Variants in NT5C1A observed in about 807,000 individuals in gnomAD.
NT5C1A encodes cytosolic 5'-nucleotidase 1A.
In NT5C1A, 18 loss-of-function variants were observed where a neutral mutation model predicts 31.0. The observed-to-expected ratio is 0.58, with a 90% confidence interval of 0.40 to 0.86. The LOEUF (loss-of-function observed/expected upper bound fraction) is 0.86. NT5C1A is among the 40% of genes least tolerant of loss of function. NT5C1A has a pLI of 0.00. For synonymous variants in NT5C1A, 185 were observed against 203.6 expected, an observed-to-expected ratio of 0.91 and a Z score of 0.78; for missense variants, 470 against 505.4, an observed-to-expected ratio of 0.93 and a Z score of 0.67.
Position 39,659,314 on chromosome 1 carries a change from T to G in NT5C1A, c.914A>C (p.Glu305Ala). The G allele has an allele frequency of 6.2e-7, 1 of 1,614,028 alleles. No homozygotes were observed. The highest frequency in any genetic ancestry group is 8.5e-7 in the Non-Finnish European group (1 of 1,180,024). Residue 305 changes from glutamate (E) to alanine (A), a missense_variant, in exon 6 of 6, where the codon GAA (glutamate) becomes GCA (alanine). Coordinates refer to ENST00000235628, the MANE Select transcript of NT5C1A (RefSeq NM_032526.3). Reference sequence around the variant, plus strand: ...GGGCGCTCCAGCAAGGAACAAGGCTTCATCTGTCTCCAGGCCCCAGCTGCG... The same window carrying G: ...GGGCGCTCCAGCAAGGAACAAGGCTGCATCTGTCTCCAGGCCCCAGCTGCG... ...TLRSWGLETD[E>A]ALFLAGAPKG...
rs183241981 is a variant in NT5C1A, at chr1:39,670,010, A to G, written c.135+1894T>C. ...TGAATTCAAATAAACTTTGAATTCA[A>G]TATGTAAGCCAGATATTACCATATA... On this transcript the variant is annotated intron_variant, in intron 1 of 5. Coordinates refer to ENST00000235628, the MANE Select transcript of NT5C1A (RefSeq NM_032526.3). Among the ~76,000 whole-genome samples, 668 of 152,354 alleles carry G rather than the reference A, an allele frequency of 4.4e-3. 9 individuals are homozygous for G. Among genetic ancestry groups the G allele is most frequent in the Non-Finnish European group, 3.6e-3 (242 of 68,038 alleles).
At chr1:39,666,374 C>A (rs1313305495) in intron 1 of NT5C1A, 138 bp from the exon 2 acceptor site, 2 of 783,546 alleles carry the variant, frequency 2.6e-6, no homozygotes, top group Admixed American at 2.7e-5. Flanking sequence ...CAGCCTTGAG[C>A]AGATGTGGAC....
chr1:39,659,360 C>G lies in NT5C1A; in HGVS notation c.868G>C (p.Ala290Pro). The change falls in exon 6 of 6, where the codon GCC becomes CCC. Residue 290 changes from alanine (A) to proline (P), a missense_variant. Physicochemically the swap from Ala to Pro is conservative, Grantham distance 27 (BLOSUM62 -1). Transcript: ENST00000235628. ...CTGCGCAGGGTCTTGAGAGCCCGGG[C>G]CCCGGAACTGGCTGCACTGCGTGCT... ...VTARSAASSG[A>P]RALKTLRSWG... 1 of 1,613,886 alleles carries G rather than the reference C, an allele frequency of 6.2e-7. No individual in the cohort carries two copies. Among genetic ancestry groups the G allele is most frequent in the Non-Finnish European group, 8.5e-7 (1 of 1,180,028 alleles).
chr1:39,667,196 C>CTTT (rs5773668), intron 1 of NT5C1A, among the ~76,000 whole-genome samples: 2 of 105,126 alleles, frequency 1.9e-5, no homozygotes, highest in African/African-American at 7.6e-5. Flanking sequence ...CTTTCCCCCT[C>CTTT]TTTTTTTTTT....
rs751884829 is a variant in NT5C1A, at chr1:39,663,347, G to T, written c.521C>A (p.Ala174Asp). The stretch of plus-strand genomic sequence containing the variant: ...GGCTTCTCGCACTTTTTCCGCATCG[G>T]CTGACAAGTAGAGGTTGGTGTGATA... The part of the protein sequence containing the change: ...KAYHTNLYLS[A>D]DAEKVREAID... The change falls in exon 4 of 6, where the codon GCC becomes GAC. Residue 174 changes from alanine to aspartate, a missense_variant. Physicochemically the swap from Ala to Asp is moderately radical, Grantham distance 126 (BLOSUM62 -2). Transcript: ENST00000235628. 1.9e-6 allele frequency: 3 copies of T among 1,614,128 alleles called. No homozygotes were observed. The South Asian group carries it at 3.3e-5, about 18-fold the overall frequency.
At chr1:39,661,336 T>C in intron 4 of NT5C1A, 73 bp from the exon 5 acceptor site, 2 of 743,646 alleles carry the variant, frequency 2.7e-6, no homozygotes, top group Admixed American at 4.3e-5. Flanking sequence ...TCTTAGGCTA[T>C]CCTTGCCCCA....
chr1:39,656,444 G>T lies in NT5C1A; in HGVS notation c.*2677C>A, dbSNP rs1345196264. Among the ~76,000 whole-genome samples, 1 of 152,154 alleles carries T rather than the reference G, an allele frequency of 6.6e-6. No homozygotes were observed. The highest frequency in any genetic ancestry group is 6.5e-5 in the Admixed American group (1 of 15,280). ...TTTTCCAGGCCTGAGATGCTCATTT[G>T]TGATTTCAATAATAGAATTTAGACT... On this transcript the variant is annotated 3_prime_UTR_variant, in exon 6 of 6. Coordinates refer to ENST00000235628, the MANE Select transcript of NT5C1A (RefSeq NM_032526.3).
In NT5C1A at chr1:39,661,219, C is replaced by A; in HGVS notation, c.601G>T (p.Val201Leu). 6.3e-7 allele frequency: 1 copy of A among 1,594,240 alleles called. No individual in the cohort carries two copies. The highest frequency in any genetic ancestry group is 1.3e-5 in the African/African-American group (1 of 74,770). ...TIFSPSRDVV[V>L]SQSQLRVAFD... is the part of the protein sequence containing the mutation. ...GCCACGCGCAGCTGACTCTGGGACA[C>A]AACCACATCCCTGCTGGGGCTGAAG... Residue 201 changes from valine to leucine, a missense_variant, in exon 5 of 6, where the codon GTG becomes TTG. Transcript: ENST00000235628.
At chr1:39,670,182 C>T (rs1290174121) in intron 1 of NT5C1A, among the ~76,000 whole-genome samples, 2 of 152,232 alleles carry the variant, frequency 1.3e-5, no homozygotes, top group African/African-American at 4.8e-5. Flanking sequence ...AAATTTGAAA[C>T]TAGCGGCTAG....
At position 39,654,875 on chromosome 1, in the gene NT5C1A, A is replaced by C. The variant is rs536162832; in HGVS notation, c.*4246T>G. Among the ~76,000 whole-genome samples, 48 of 152,348 alleles carry C rather than the reference A, an allele frequency of 3.2e-4. No individual in the cohort carries two copies. The highest frequency in any genetic ancestry group is 1.3e-3 in the East Asian group (7 of 5,188). On this transcript the variant is annotated 3_prime_UTR_variant, in exon 6 of 6. Coordinates refer to ENST00000235628, the MANE Select transcript of NT5C1A (RefSeq NM_032526.3). ...TGCAACAATTCAACTCTGCTGTTGC[A>C]GTGTGAAATCAGCCATAAACATATG...
chr1:39,664,518 C>CCTCTCCTCTCCTCCTCTCCTCT (rs1288845231), intron 3 of NT5C1A, among the ~76,000 whole-genome samples: 1 of 96,044 alleles, frequency 1.0e-5, no homozygotes, highest in Non-Finnish European at 2.0e-5. Context: ...CCTCTCCTTT[C>CCTCTCCTCTCCTCCTCTCCTCT]CATCTCACTC....
In NT5C1A at chr1:39,652,030, CAAAAAAAAAAAAAAAAAAAAAAAA is replaced by C. The variant is rs61024293; in HGVS notation, c.*7067_*7090del. On this transcript the variant is annotated 3_prime_UTR_variant, in exon 6 of 6. Coordinates refer to ENST00000235628, the MANE Select transcript of NT5C1A (RefSeq NM_032526.3). Reference sequence around the variant, plus strand: ...TGAGTGACAGAGCAAGACTCCGTCTCAAAAAAAAAAAAAAAAAAAAAAAAAAAAAAAAAAAAAGAAGTTTGTACA... The same window carrying C: ...TGAGTGACAGAGCAAGACTCCGTCTCAAAAAAAAAAAAAGAAGTTTGTACA... 2.6e-5 allele frequency among the ~76,000 whole-genome samples: 1 copy of C among 37,804 alleles called. No homozygotes were observed. Among genetic ancestry groups the C allele is most frequent in the Non-Finnish European group, 5.4e-5 (1 of 18,464 alleles). 24.8% of individuals were successfully genotyped at this position (37,804 alleles called of 152,430 possible).
Position 39,653,536 on chromosome 1 carries a change from G to A in NT5C1A, c.*5585C>T, listed in dbSNP as rs549088782. 6.6e-6 allele frequency among the ~76,000 whole-genome samples: 1 copy of A among 152,272 alleles called. No homozygotes were observed. Among genetic ancestry groups the A allele is most frequent in the Non-Finnish European group, 1.5e-5 (1 of 68,022 alleles). On this transcript the variant is annotated 3_prime_UTR_variant, in exon 6 of 6. Coordinates refer to ENST00000235628, the MANE Select transcript of NT5C1A (RefSeq NM_032526.3). ...AATTGCCGGCAAGAGCAATCGGCTCGTCACTCGGGCATATTTAGCAAACAT... is the reference window on the plus strand; with the variant it reads ...AATTGCCGGCAAGAGCAATCGGCTCATCACTCGGGCATATTTAGCAAACAT...
At chr1:39,667,196 CTTT>C (rs5773668) in intron 1 of NT5C1A, among the ~76,000 whole-genome samples, 23 of 105,110 alleles carry the variant, frequency 2.2e-4, no homozygotes, top group African/African-American at 5.7e-4. Flanking sequence ...CTTTCCCCCT[CTTT>C]TTTTTTTTTT....
chr1:39,670,093 G>T (rs1348341602), intron 1 of NT5C1A, among the ~76,000 whole-genome samples: 1 of 152,116 alleles, frequency 6.6e-6, no homozygotes, highest in Non-Finnish European at 1.5e-5. Flanking sequence ...TTATTTTACA[G>T]ATTCAAATGC....
At position 39,672,005 on chromosome 1, in the gene NT5C1A, G is replaced by T; in HGVS notation, c.34C>A (p.Pro12Thr). ...EPGQPREPQE[P>T]REPGPGAETA... Reference sequence around the variant, plus strand: ...TCCGCTCCTGGCCCGGGCTCGCGGGGCTCCTGGGGCTCCCGGGGCTGCCCA... The same window carrying T: ...TCCGCTCCTGGCCCGGGCTCGCGGGTCTCCTGGGGCTCCCGGGGCTGCCCA... Residue 12 changes from proline to threonine, a missense_variant, in exon 1 of 6, where the codon CCC becomes ACC. Transcript: ENST00000235628. 6.2e-7 allele frequency: 1 copy of T among 1,606,426 alleles called. No homozygotes were observed.
rs1646444739 is a variant in NT5C1A at position 39,653,663 on chromosome 1, G to C, written c.*5458C>G. Among the ~76,000 whole-genome samples the C allele has an allele frequency of 6.6e-6, 1 of 152,198 alleles. No individual in the cohort carries two copies. The highest frequency in any genetic ancestry group is 6.5e-5 in the Admixed American group (1 of 15,280). Reference sequence around the variant, plus strand: ...GGAGAGAAAAGTAAATCAGTGGGTAGAATCACTTGACTACTGCCAGCAGCT... The same window carrying C: ...GGAGAGAAAAGTAAATCAGTGGGTACAATCACTTGACTACTGCCAGCAGCT... On this transcript the variant is annotated 3_prime_UTR_variant, in exon 6 of 6. Coordinates refer to ENST00000235628, the MANE Select transcript of NT5C1A (RefSeq NM_032526.3).
Position 39,659,369 on chromosome 1 carries a change from T to C in NT5C1A, c.859A>G (p.Ser287Gly). The C allele has an allele frequency of 6.2e-7, 1 of 1,613,808 alleles. No homozygotes were observed. The highest frequency in any genetic ancestry group is 1.1e-5 in the South Asian group (1 of 91,088). The change falls in exon 6 of 6, where the codon AGT (serine) becomes GGT (glycine). Residue 287 changes from serine (S) to glycine (G), a missense_variant. Coordinates refer to ENST00000235628, the MANE Select transcript of NT5C1A (RefSeq NM_032526.3). ...GTCTTGAGAGCCCGGGCCCCGGAAC[T>C]GGCTGCACTGCGTGCTGTCACCAAG... ...TYLVTARSAA[S>G]SGARALKTLR...
Position 39,656,190 on chromosome 1 carries a change from A to G in NT5C1A, c.*2931T>C, listed in dbSNP as rs1570454518. The stretch of plus-strand genomic sequence containing the variant: ...TTGGGGAAGTGGTGCTCTCAGCTAA[A>G]GGGGTCCAGTGTTTCAGAAGCCGTG... On this transcript the variant is annotated 3_prime_UTR_variant, in exon 6 of 6. Coordinates refer to ENST00000235628, the MANE Select transcript of NT5C1A (RefSeq NM_032526.3). Among the ~76,000 whole-genome samples, 1 of 152,166 alleles carries G rather than the reference A, an allele frequency of 6.6e-6. No homozygotes were observed. Among genetic ancestry groups the G allele is most frequent in the East Asian group, 1.9e-4 (1 of 5,192 alleles).
Sources: allele counts gnomAD v4.1 joint callset (sites outside exome capture counted in the v4.1 genomes callset), GRCh38; gene constraint gnomAD v4.1.1; transcripts MANE v1.5; gene names NCBI Gene and HGNC (gene_info 2026-07-23, HGNC 2026-07-21).